The following RIMBP2 variants were observed in gnomAD, a reference collection of about 807,000 sequenced individuals.
The protein encoded by RIMBP2 is RIMS-binding protein 2.
A neutral mutation model predicts 118.6 loss-of-function variants in RIMBP2; 48 were observed. The ratio of observed to expected loss-of-function variants is 0.40; its 90% CI spans 0.32 to 0.51. The LOEUF (loss-of-function observed/expected upper bound fraction) is 0.51. RIMBP2 is among the 20% of genes least tolerant of loss of function. The pLI, the probability that RIMBP2 is intolerant of heterozygous loss-of-function variation, is 0.41. For missense variants in RIMBP2, 1,551 were observed against 1,768.3 expected (o/e 0.88, Z 2.20); for synonymous variants, 762 against 742.9 (o/e 1.03, Z -0.42).
intron 2 of RIMBP2, among the ~76,000 whole-genome samples, chr12:130,574,181 C>G (rs2057912659): frequency 6.6e-6 from 1 of 152,048 alleles, no homozygotes; most frequent in Admixed American, 6.6e-5. Flanking sequence ...AAAATAAAAC[C>G]TTGTCATAAA....
chr12:130,413,378 C>T (rs1009440187), intron 18 of RIMBP2, among the ~76,000 whole-genome samples: 1 of 152,092 alleles, frequency 6.6e-6, no homozygotes, highest in Non-Finnish European at 1.5e-5. Flanking sequence ...GCCTGTAATC[C>T]CAGCACTTTG....
chr12:130,697,210 G>A (rs1269460292), intron 1 of RIMBP2, among the ~76,000 whole-genome samples: 1 of 152,200 alleles, frequency 6.6e-6, no homozygotes, highest in African/African-American at 2.4e-5. Flanking sequence ...AGAAATAATA[G>A]AGAATTCCAG....
chr12:130,426,381 G>A (rs1480081783), intron 15 of RIMBP2: 1 of 151,916 alleles, frequency 6.6e-6, no homozygotes, highest in Admixed American at 6.6e-5. Flanking sequence ...CCAGGTTCAA[G>A]TGATTCTCCT....
intron 1 of RIMBP2, among the ~76,000 whole-genome samples, chr12:130,707,054 AC>A (rs1487261818): frequency 2.0e-5 from 3 of 152,234 alleles, no homozygotes; most frequent in African/African-American, 7.2e-5. Flanking sequence ...TCCTCAAGCG[AC>A]AAGATTCTCT....
At position 130,713,247 on chromosome 12, in the gene RIMBP2, A is replaced by AAGGAAGGAAGAT. The variant is rs1266857304; in HGVS notation, c.-352+2974_-352+2975insATCTTCCTTCCT. Reference sequence around the variant, plus strand: ...GAAGGAAGGAAGGAAGGAAGGAAGGAAGGAAGGAAGGAAGGAAGGAAGGAA... The same window carrying AAGGAAGGAAGAT: ...GAAGGAAGGAAGGAAGGAAGGAAGGAAGGAAGGAAGATAGGAAGGAAGGAAGGAAGGAAGGAA... On this transcript the variant is annotated intron_variant, in intron 1 of 22. Coordinates refer to ENST00000690449, the MANE Select transcript of RIMBP2 (RefSeq NM_001393629.1). Among the ~76,000 whole-genome samples the AAGGAAGGAAGAT allele has an allele frequency of 9.1e-4, 134 of 147,966 alleles. 3 individuals are homozygous for AAGGAAGGAAGAT. Among genetic ancestry groups the AAGGAAGGAAGAT allele is most frequent in the African/African-American group, 3.2e-3 (124 of 39,140 alleles).
At chr12:130,418,405 C>T (rs887730802) in intron 17 of RIMBP2, among the ~76,000 whole-genome samples, 6 of 152,204 alleles carry the variant, frequency 3.9e-5, no homozygotes, top group Non-Finnish European at 5.9e-5. Context: ...ACAACAGGCA[C>T]AGCTGTGCAG....
chr12:130,602,196 T>C (rs1477061771), intron 2 of RIMBP2, among the ~76,000 whole-genome samples: 3 of 152,242 alleles, frequency 2.0e-5, no homozygotes. Flanking sequence ...GCCAGGCATA[T>C]GACAAACATT....
At chr12:130,493,820 T>C (rs2048872545) in intron 4 of RIMBP2, among the ~76,000 whole-genome samples, 1 of 152,234 alleles carries the variant, frequency 6.6e-6, no homozygotes, top group African/African-American at 2.4e-5. Flanking sequence ...CGTTGAAGTG[T>C]CATTTATGTA....
chr12:130,541,036 C>T (rs2054554365), intron 2 of RIMBP2, among the ~76,000 whole-genome samples: 1 of 152,138 alleles, frequency 6.6e-6, no homozygotes, highest in African/African-American at 2.4e-5. Flanking sequence ...TCTTGGCTTG[C>T]TAACATCGGC....
At chr12:130,472,142 A>C (rs1425501204) in intron 5 of RIMBP2, 1 of 152,236 alleles carries the variant, frequency 6.6e-6, no homozygotes, top group African/African-American at 2.4e-5. Flanking sequence ...CTTGGATTCT[A>C]CTGGGTCTGA....
rs147646706 is a variant in RIMBP2, at chr12:130,632,509, G to A, written c.-351-4053C>T. ...TCCGTACAGAACAAGTAAACCTACC[G>A]CTTTCTCCCCTCATCTTCCTGGGCT... is the stretch of plus-strand genomic sequence containing the variant. On this transcript the variant is annotated intron_variant, in intron 1 of 22. Coordinates refer to ENST00000690449, the MANE Select transcript of RIMBP2 (RefSeq NM_001393629.1). Among the ~76,000 whole-genome samples the A allele has an allele frequency of 2.6e-3, 396 of 152,154 alleles. 7 individuals are homozygous for A. Among genetic ancestry groups the A allele is most frequent in the Admixed American group, 0.023 (350 of 15,284 alleles).
In RIMBP2 at chr12:130,622,261, G is replaced by A. The variant is rs1361792748; in HGVS notation, c.-217+6061C>T. Among the ~76,000 whole-genome samples the A allele has an allele frequency of 2.0e-5, 3 of 152,120 alleles. No individual in the cohort carries two copies. The highest frequency in any genetic ancestry group is 4.4e-5 in the Non-Finnish European group (3 of 68,028). On this transcript the variant is annotated intron_variant, in intron 2 of 22. Coordinates refer to ENST00000690449, the MANE Select transcript of RIMBP2 (RefSeq NM_001393629.1). The surrounding 1 kb of genome is among the most constrained non-coding windows in gnomAD (Gnocchi z 8.5). ...GTGAAGCCCCCACAAGGCTGCATAG[G>A]AGGTTCCGGGGAACAGAGTCCCCAA...
rs897221087 is a variant in RIMBP2 at position 130,424,647 on chromosome 12, C to G, written c.2624G>C (p.Gly875Ala). Residue 875 changes from glycine (G) to alanine (A), a missense_variant, in exon 16 of 23, where the codon GGC becomes GCC. Gly to Ala is a moderately conservative substitution (Grantham distance 60). Transcript: ENST00000690449. The surrounding 1 kb of genome is among the most constrained non-coding windows in gnomAD (Gnocchi z 9.8). ...CCAGGAGCCCCGAGGGGCCTCGTCG[C>G]CCCTGTAGGGCCTGCCGGGCCTGGG... The part of the protein sequence containing the change: ...REPRPGRPYR[G>A]DEAPRGSWFP... 8.1e-7 allele frequency: 1 copy of G among 1,231,988 alleles called. No individual in the cohort carries two copies. Among genetic ancestry groups the G allele is most frequent in the East Asian group, 3.2e-5 (1 of 31,674 alleles). The allele number at this position is 1,231,988 out of a possible 1,614,324, so 76.3% of individuals were successfully genotyped here.
intron 2 of RIMBP2, among the ~76,000 whole-genome samples, chr12:130,524,213 T>G (rs1480354929): frequency 1.3e-5 from 2 of 152,168 alleles, no homozygotes; most frequent in African/African-American, 2.4e-5. Context: ...TCTGATCACA[T>G]GAATGCAATT....
intron 6 of RIMBP2, among the ~76,000 whole-genome samples, chr12:130,459,603 C>A (rs1040917133): frequency 6.6e-6 from 1 of 152,146 alleles, no homozygotes; most frequent in African/African-American, 2.4e-5. Flanking sequence ...GGGCTAAGGG[C>A]GGCTGAGGTC....
At chr12:130,490,038 C>T (rs564038801) in intron 4 of RIMBP2, among the ~76,000 whole-genome samples, 2 of 149,410 alleles carry the variant, frequency 1.3e-5, no homozygotes, top group South Asian at 2.1e-4. Flanking sequence ...GCAAGAGAAT[C>T]GCTTGAACCC....
At chr12:130,590,810 C>T (rs1413488490) in intron 2 of RIMBP2, among the ~76,000 whole-genome samples, 3 of 152,208 alleles carry the variant, frequency 2.0e-5, no homozygotes, top group Non-Finnish European at 4.4e-5. Flanking sequence ...AAGGACTCCA[C>T]CTTCCATTTT....
chr12:130,639,383 T>TAAAAA (rs59431769), intron 1 of RIMBP2, among the ~76,000 whole-genome samples: 15 of 130,896 alleles, frequency 1.1e-4, no homozygotes, highest in East Asian at 2.2e-4. Flanking sequence ...AACTCCATCT[T>TAAAAA]AAAAAAAAAA....
intron 1 of RIMBP2, among the ~76,000 whole-genome samples, chr12:130,701,848 G>A (rs1249382547): frequency 2.0e-5 from 3 of 152,082 alleles, no homozygotes; most frequent in Non-Finnish European, 4.4e-5. Flanking sequence ...CGGGATCAGG[G>A]TTGCCATGGC....
Sources: allele counts gnomAD v4.1 joint callset (sites outside exome capture counted in the v4.1 genomes callset), GRCh38; gene constraint gnomAD v4.1.1; non-coding constraint Gnocchi (gnomAD v3.1); transcripts MANE v1.5; gene names NCBI Gene and HGNC (gene_info 2026-07-23, HGNC 2026-07-21).